Variants in HMCES observed in about 807,000 individuals in gnomAD.
The protein encoded by HMCES is 5-hydroxymethylcytosine binding, ES cell specific, also known as abasic site processing protein HMCES.
A neutral mutation model predicts 35.1 loss-of-function variants in HMCES; 27 were observed. That is an observed-to-expected ratio of 0.77 (90% CI 0.57 to 1.06). HMCES has a LOEUF of 1.06. HMCES is among the 50% of genes least tolerant of loss of function. The pLI is 0.00. For missense variants in HMCES, 391 were observed against 430.4 expected, an observed-to-expected ratio of 0.91 and a Z score of 0.81; for synonymous variants, 130 against 154.7, an observed-to-expected ratio of 0.84 and a Z score of 1.18.
Position 129,302,028 on chromosome 3 carries a change from G to C in HMCES, c.714G>C (p.Leu238=). ...DFGEVSTQEA[L]KLIHPTENIT... ...GTGAAGTCTCAACTCAGGAAGCTCT[G>C]AAATTAATCCACCCAACAGAGAACA... The change falls in exon 6 of 7, where the codon CTG becomes CTC. Residue 238 remains leucine, a synonymous_variant. Coordinates refer to ENST00000383463, the MANE Select transcript of HMCES (RefSeq NM_020187.3). The C allele has an allele frequency of 6.2e-7, 1 of 1,614,176 alleles. No individual in the cohort carries two copies. The highest frequency in any genetic ancestry group is 8.5e-7 in the Non-Finnish European group (1 of 1,180,012).
chr3:129,304,505 C>G, intron 6 of HMCES, 84 bp from the exon 7 acceptor site: 1 of 1,165,134 alleles, frequency 8.6e-7, no homozygotes, highest in South Asian at 1.3e-5. Context: ...TACCTAATGC[C>G]TCTTCCCCTG....
chr3:129,294,189 C>T (rs1315290957), intron 4 of HMCES, among the ~76,000 whole-genome samples: 6 of 151,926 alleles, frequency 3.9e-5, no homozygotes, highest in African/African-American at 7.2e-5. Flanking sequence ...GAGGCTAAGG[C>T]GGGCGGATCA....
At chr3:129,290,004 G>C (rs913726982) in intron 3 of HMCES, among the ~76,000 whole-genome samples, 5 of 151,810 alleles carry the variant, frequency 3.3e-5, no homozygotes. Flanking sequence ...TGGCTAACAC[G>C]GTGAAACCCC....
intron 2 of HMCES, among the ~76,000 whole-genome samples, chr3:129,284,593 G>A (rs1356006990): frequency 6.6e-6 from 1 of 152,112 alleles, no homozygotes; most frequent in Non-Finnish European, 1.5e-5. Context: ...GGAATCAACT[G>A]TTTGTGTGTA....
chr3:129,304,883 T>TTA lies in HMCES; in HGVS notation c.*59_*60insAT. On this transcript the variant is annotated 3_prime_UTR_variant, in exon 7 of 7. Transcript: ENST00000383463. ...GCTGCACTGCTGTTCTGATAATAGG[T>TTA]TCTTAACATTGTATGTATATGTGTT... The TTA allele has an allele frequency of 7.5e-7, 1 of 1,331,382 alleles. No homozygotes were observed. The highest frequency in any genetic ancestry group is 1.2e-5 in the South Asian group (1 of 84,612). 82.5% of individuals were successfully genotyped at this position (1,331,382 alleles called of 1,614,324 possible). A position where few individuals can be genotyped will look rare whatever the true frequency, so the allele number is the denominator to read the frequency against.
rs114476609 is a variant in HMCES, at chr3:129,289,153, A to C, written c.327+156A>C. 3.2e-3 allele frequency among the ~76,000 whole-genome samples: 493 copies of C among 152,398 alleles called. 3 individuals are homozygous for C. Among genetic ancestry groups the C allele is most frequent in the African/African-American group, 0.011 (463 of 41,596 alleles). Reference sequence around the variant, plus strand: ...ATGTGGAATGCTATTTTGTTACTACATAACAAACCACACCAGACTTAGTAG... The same window carrying C: ...ATGTGGAATGCTATTTTGTTACTACCTAACAAACCACACCAGACTTAGTAG... On this transcript the variant is annotated intron_variant, in intron 3 of 6. Coordinates refer to ENST00000383463, the MANE Select transcript of HMCES (RefSeq NM_020187.3).
intron 6 of HMCES, 42 bp downstream of exon 6, chr3:129,302,184 T>C (rs1431572117): frequency 6.6e-7 from 1 of 1,507,638 alleles, no homozygotes; most frequent in Non-Finnish European, 9.0e-7. Flanking sequence ...GAGCTTTCTG[T>C]CTTCTGTCAG....
chr3:129,295,105 A>G (rs955626140), intron 4 of HMCES, among the ~76,000 whole-genome samples: 11 of 149,464 alleles, frequency 7.4e-5, no homozygotes, highest in Non-Finnish European at 1.0e-4. Context: ...CTTGCAGTGA[A>G]CCGAGATGGC....
chr3:129,279,709 G>T lies in HMCES; in HGVS notation c.-23-1G>T. On this transcript the variant is annotated splice_acceptor_variant, in intron 1 of 6. Transcript: ENST00000383463. LOFTEE classifies it low-confidence loss of function (5UTR_SPLICE). The surrounding 1 kb of genome is among the most constrained non-coding windows in gnomAD (Gnocchi z 4.2). ...TTTTCCTTACGTTTTGTAATTTAAA[G>T]GTTGCGAGGGGCGGTGTTGAAGAAT... is the stretch of plus-strand genomic sequence containing the variant. 6.2e-7 allele frequency: 1 copy of T among 1,611,284 alleles called. No homozygotes were observed.
At chr3:129,291,239 G>A (rs537447781) in intron 4 of HMCES, among the ~76,000 whole-genome samples, 1 of 152,320 alleles carries the variant, frequency 6.6e-6, no homozygotes, top group African/African-American at 2.4e-5. Context: ...AGCTCATTGA[G>A]AGATAATTCA....
Position 129,279,451 on chromosome 3 carries a change from T to C in HMCES, c.-23-259T>C, listed in dbSNP as rs1202669006. ...ACTGTGAAGCCCCCTCCGCTGCGGC[T>C]CTTCCTGCGCTCAGGCAGGCATTTG... On this transcript the variant is annotated intron_variant, in intron 1 of 6. Coordinates refer to ENST00000383463, the MANE Select transcript of HMCES (RefSeq NM_020187.3). The surrounding 1 kb of genome is among the most constrained non-coding windows in gnomAD (Gnocchi z 4.2). Among the ~76,000 whole-genome samples the C allele has an allele frequency of 6.6e-6, 1 of 152,212 alleles. No homozygotes were observed. Among genetic ancestry groups the C allele is most frequent in the Non-Finnish European group, 1.5e-5 (1 of 68,042 alleles).
intron 2 of HMCES, among the ~76,000 whole-genome samples, chr3:129,281,627 G>T (rs1940487584): frequency 6.6e-6 from 1 of 152,030 alleles, no homozygotes; most frequent in African/African-American, 2.4e-5. Flanking sequence ...GGAGGCGAAG[G>T]TTGGGGTGAG....
At position 129,290,737 on chromosome 3, in the gene HMCES, A is replaced by C; in HGVS notation, c.386A>C (p.Gln129Pro). 1 of 1,613,576 alleles carries C rather than the reference A, an allele frequency of 6.2e-7. No individual in the cohort carries two copies. The highest frequency in any genetic ancestry group is 8.5e-7 in the Non-Finnish European group (1 of 1,179,540). ...VVLADGFYEW[Q>P]RCQGTNQRQP... is the part of the protein sequence containing the mutation. ...TTAGCAGATGGATTCTATGAGTGGC[A>C]GCGATGTCAGGGAACAAACCAGAGG... is the stretch of plus-strand genomic sequence containing the variant. Residue 129 changes from glutamine (Q) to proline (P), a missense_variant, in exon 4 of 7, where the codon CAG becomes CCG. Physicochemically the swap from Gln to Pro is moderately conservative, Grantham distance 76 (BLOSUM62 -1). Coordinates refer to ENST00000383463, the MANE Select transcript of HMCES (RefSeq NM_020187.3).
intron 2 of HMCES, among the ~76,000 whole-genome samples, chr3:129,288,552 G>C (rs1482143675): frequency 7.5e-6 from 1 of 133,546 alleles, no homozygotes; most frequent in Non-Finnish European, 1.5e-5. Flanking sequence ...AAAATTAGCT[G>C]GGTATGGGGG....
rs1466707410 is a variant in HMCES, at chr3:129,304,678, G to A, written c.918G>A (p.Lys306=). The change falls in exon 7 of 7, where the codon AAG becomes AAA. Residue 306 remains lysine (K), a synonymous_variant. Transcript: ENST00000383463. ...AGGAAGACTCAAAAACACCTCAAAA[G>A]GAAGAGTCAGATGTTCCCCAGTGGT... ...PKKEDSKTPQ[K]EESDVPQWSS... is the part of the protein sequence containing the mutation. 6.2e-7 allele frequency: 1 copy of A among 1,614,200 alleles called. No homozygotes were observed. Among genetic ancestry groups the A allele is most frequent in the Admixed American group, 1.7e-5 (1 of 60,018 alleles).
intron 6 of HMCES, among the ~76,000 whole-genome samples, chr3:129,303,470 T>G (rs1432539680): frequency 6.6e-6 from 1 of 152,212 alleles, no homozygotes; most frequent in Non-Finnish European, 1.5e-5. Context: ...TAATTCTATA[T>G]ACAGGTTGAA....
At chr3:129,301,208 A>C (rs1048170966) in intron 5 of HMCES, among the ~76,000 whole-genome samples, 1 of 118,604 alleles carries the variant, frequency 8.4e-6, no homozygotes, top group African/African-American at 5.2e-5. Context: ...AAAAAAAAAG[A>C]AGAAAAAAAA....
chr3:129,289,448 G>T (rs1940737425), intron 3 of HMCES, among the ~76,000 whole-genome samples: 1 of 152,234 alleles, frequency 6.6e-6, no homozygotes, highest in Admixed American at 6.5e-5. Context: ...CAACAGAGCA[G>T]GACAGAAGAT....
Position 129,288,899 on chromosome 3 carries a change from T to C in HMCES, c.229T>C (p.Leu77=). ...TATCATTGCTCCCATGCGCTGGGGCTTGGTCCCTTCTTGGTTCAAAGAAAG... is the reference window on the plus strand; with the variant it reads ...TATCATTGCTCCCATGCGCTGGGGCCTGGTCCCTTCTTGGTTCAAAGAAAG... ...ERIIAPMRWG[L]VPSWFKESDP... The change falls in exon 3 of 7, where the codon TTG becomes CTG. Residue 77 remains leucine, a synonymous_variant. Transcript: ENST00000383463. 6.2e-7 allele frequency: 1 copy of C among 1,600,336 alleles called. No homozygotes were observed. The highest frequency in any genetic ancestry group is 2.2e-5 in the East Asian group (1 of 44,600).
Sources: allele counts gnomAD v4.1 joint callset (sites outside exome capture counted in the v4.1 genomes callset), GRCh38; gene constraint gnomAD v4.1.1; non-coding constraint Gnocchi (gnomAD v3.1); transcripts MANE v1.5; gene names NCBI Gene and HGNC (gene_info 2026-07-23, HGNC 2026-07-21).